Variants in KCNIP4 observed in about 807,000 individuals in gnomAD.
The protein encoded by KCNIP4 is Kv channel-interacting protein 4.
In KCNIP4, 12 loss-of-function variants were observed where a neutral mutation model predicts 34.0. The ratio of observed to expected loss-of-function variants is 0.35; its 90% CI spans 0.23 to 0.57. The LOEUF is 0.57. Ranked by LOEUF, KCNIP4 falls within the 20% of genes least tolerant of loss-of-function variation. The pLI is 0.83. For missense variants in KCNIP4, 238 were observed against 311.7 expected (o/e 0.76, Z 1.78); for synonymous variants, 124 against 102.2 (o/e 1.21, Z -1.29).
At chr4:21,261,522 A>C (rs982754948) in intron 1 of KCNIP4, among the ~76,000 whole-genome samples, 1 of 152,198 alleles carries the variant, frequency 6.6e-6, no homozygotes. Context: ...TAGATTCAAC[A>C]CAGCATTGAA....
At chr4:21,238,961 T>C (rs1224438209) in intron 1 of KCNIP4, among the ~76,000 whole-genome samples, 2 of 152,066 alleles carry the variant, frequency 1.3e-5, no homozygotes, top group African/African-American at 4.8e-5. Flanking sequence ...ATCACGCTAC[T>C]TGACTTCAAA....
intron 1 of KCNIP4, among the ~76,000 whole-genome samples, chr4:21,013,856 T>C (rs1739275142): frequency 6.6e-6 from 1 of 152,206 alleles, no homozygotes; most frequent in African/African-American, 2.4e-5. Flanking sequence ...CTAGAAATTC[T>C]TGTTATATTT....
intron 1 of KCNIP4, among the ~76,000 whole-genome samples, chr4:21,777,545 G>A (rs145447386): frequency 1.3e-5 from 2 of 152,274 alleles, no homozygotes; most frequent in African/African-American, 4.8e-5. Flanking sequence ...ACACAATGGT[G>A]AATAACTTAC....
intron 1 of KCNIP4, among the ~76,000 whole-genome samples, chr4:21,920,087 G>A (rs1029515640): frequency 1.3e-5 from 2 of 152,122 alleles, no homozygotes; most frequent in Non-Finnish European, 2.9e-5. Context: ...TGTCTATACC[G>A]TTCTTGAAAC....
At chr4:20,844,227 C>T (rs917063329) in intron 3 of KCNIP4, among the ~76,000 whole-genome samples, 2 of 152,128 alleles carry the variant, frequency 1.3e-5, no homozygotes, top group African/African-American at 2.4e-5. Flanking sequence ...AAAGGGAGGT[C>T]GTGTTAACTG....
chr4:21,890,315 C>A (rs1001111647), intron 1 of KCNIP4, among the ~76,000 whole-genome samples: 1 of 152,086 alleles, frequency 6.6e-6, no homozygotes, highest in Non-Finnish European at 1.5e-5. Flanking sequence ...TTAATGACCA[C>A]ATCCCCAGCA....
At chr4:21,118,317 T>C (rs59447535) in intron 1 of KCNIP4, among the ~76,000 whole-genome samples, 1 of 152,248 alleles carries the variant, frequency 6.6e-6, no homozygotes, top group East Asian at 1.9e-4. Flanking sequence ...AGGTAGGTCT[T>C]GGCCAATAAC....
In KCNIP4 at chr4:20,743,920, GAA is replaced by G. The variant is rs56209007; in HGVS notation, c.429+5740_429+5741del. ...ATCTACAAAGAAATTAAATTTACAA[GAA>G]AAAAAAAAACCCTTCAAAAAGTGGG... On this transcript the variant is annotated intron_variant, in intron 5 of 8. Transcript: ENST00000382152. 4.3e-3 allele frequency among the ~76,000 whole-genome samples: 610 copies of G among 141,844 alleles called. 7 individuals are homozygous for G. The highest frequency in any genetic ancestry group is 0.015 in the African/African-American group (561 of 38,520). The allele number at this position is 141,844 out of a possible 152,430, so 93.1% of individuals were successfully genotyped here.
At chr4:21,058,186 G>A (rs964598415) in intron 1 of KCNIP4, among the ~76,000 whole-genome samples, 1 of 152,072 alleles carries the variant, frequency 6.6e-6, no homozygotes, top group East Asian at 1.9e-4. Context: ...CAGAAATGAG[G>A]AAAGATGCAA....
intron 1 of KCNIP4, among the ~76,000 whole-genome samples, chr4:21,778,236 C>CTTTTTTCCTTTTTTTTT (rs1719319684): frequency 3.9e-5 from 1 of 25,760 alleles, no homozygotes. Flanking sequence ...TTTTTTTTTT[C>CTTTTTTCCTTTTTTTTT]TTTTTTTTTT....
At chr4:21,330,092 G>T (rs1477305943) in intron 1 of KCNIP4, among the ~76,000 whole-genome samples, 6 of 152,122 alleles carry the variant, frequency 3.9e-5, no homozygotes, top group Non-Finnish European at 5.9e-5. Flanking sequence ...ATTATATGAG[G>T]ACTGCTATTA....
intron 1 of KCNIP4, among the ~76,000 whole-genome samples, chr4:21,660,905 C>T (rs1019133289): frequency 5.9e-5 from 9 of 151,942 alleles, no homozygotes; most frequent in Admixed American, 5.9e-4. Context: ...TAGAAAAGGC[C>T]CCACCCTCAA....
At chr4:21,660,451 AT>A (rs1201078593) in intron 1 of KCNIP4, among the ~76,000 whole-genome samples, 2 of 152,158 alleles carry the variant, frequency 1.3e-5, no homozygotes, top group Non-Finnish European at 2.9e-5. Flanking sequence ...TATATAACAT[AT>A]TTTTACTTTC....
chr4:20,820,759 T>G (rs1717002043), intron 3 of KCNIP4, among the ~76,000 whole-genome samples: 1 of 152,204 alleles, frequency 6.6e-6, no homozygotes, highest in Non-Finnish European at 1.5e-5. Context: ...CCAAGGTCCC[T>G]GTGGGACTTT....
chr4:21,132,446 C>T (rs1751139279), intron 1 of KCNIP4, among the ~76,000 whole-genome samples: 1 of 152,202 alleles, frequency 6.6e-6, no homozygotes, highest in Non-Finnish European at 1.5e-5. Context: ...ATCTGTAGAG[C>T]ATTGGGTTGT....
chr4:20,907,325 C>T (rs1727870121), intron 1 of KCNIP4, among the ~76,000 whole-genome samples: 1 of 152,118 alleles, frequency 6.6e-6, no homozygotes, highest in Admixed American at 6.6e-5. Flanking sequence ...AGAGTTTTGT[C>T]TAGAAATTTA....
At chr4:20,946,523 G>A (rs1040881529) in intron 1 of KCNIP4, among the ~76,000 whole-genome samples, 4 of 152,136 alleles carry the variant, frequency 2.6e-5, no homozygotes, top group Non-Finnish European at 4.4e-5. Flanking sequence ...GCAGTGGAAC[G>A]TCATTGCTAG....
intron 1 of KCNIP4, among the ~76,000 whole-genome samples, chr4:21,254,919 G>C (rs935385248): frequency 1.3e-5 from 2 of 151,918 alleles, no homozygotes; most frequent in Non-Finnish European, 2.9e-5. Flanking sequence ...TGTAATCATC[G>C]CAGTCACCAG....
intron 5 of KCNIP4, among the ~76,000 whole-genome samples, chr4:20,739,487 C>T (rs1750533758): frequency 6.6e-6 from 1 of 152,170 alleles, no homozygotes; most frequent in Admixed American, 6.5e-5. Flanking sequence ...CTCCAACAGA[C>T]CTGCAGCTGA....
Sources: gnomAD v4.1 joint callset for allele counts (sites outside exome capture counted in the v4.1 genomes callset) on GRCh38, gnomAD v4.1.1 for gene constraint, MANE v1.5 for transcripts, NCBI Gene and HGNC (gene_info 2026-07-23, HGNC 2026-07-21) for gene names.